The following SLC2A13 variants were observed in gnomAD, a reference collection of about 807,000 sequenced individuals.
The protein encoded by SLC2A13 is proton myo-inositol cotransporter.
In SLC2A13, 32 loss-of-function variants were observed where a neutral mutation model predicts 64.4. That is an observed-to-expected ratio of 0.50 (90% confidence interval 0.37 to 0.67). SLC2A13 has a LOEUF of 0.67. Among genes scored for constraint, SLC2A13 ranks in the 30% least tolerant of loss-of-function variants. SLC2A13 has a pLI of 0.00. For synonymous variants in SLC2A13, 338 were observed against 327.1 expected, an observed-to-expected ratio of 1.03 and a Z score of -0.36; for missense variants, 743 against 829.2, an observed-to-expected ratio of 0.90 and a Z score of 1.28.
In SLC2A13 at chr12:39,759,849, T is replaced by TG; in HGVS notation, c.*176dup. 1 of 565,610 alleles carries TG rather than the reference T, an allele frequency of 1.8e-6. No homozygotes were observed. The highest frequency in any genetic ancestry group is 3.3e-5 in the Admixed American group (1 of 29,890). 35.0% of individuals were successfully genotyped at this position (565,610 alleles called of 1,614,324 possible). ...ATATTTTTTAAAATATTGTTCCTTG[T>TG]GGAAAAAAAAAGTCATCATGGTTGT... On this transcript the variant is annotated 3_prime_UTR_variant, in exon 10 of 10. Coordinates refer to ENST00000280871, the MANE Select transcript of SLC2A13 (RefSeq NM_052885.4).
intron 3 of SLC2A13, among the ~76,000 whole-genome samples, chr12:39,984,914 A>G (rs1947000739): frequency 6.6e-6 from 1 of 152,138 alleles, no homozygotes; most frequent in African/African-American, 2.4e-5. Flanking sequence ...GAAGCAATCT[A>G]TGGGAGGCCA....
At chr12:40,103,491 A>G (rs1302123917) in intron 1 of SLC2A13, among the ~76,000 whole-genome samples, 1 of 152,168 alleles carries the variant, frequency 6.6e-6, no homozygotes, top group African/African-American at 2.4e-5. Flanking sequence ...CTCACTATTC[A>G]GCTCACAACA....
At chr12:39,766,535 G>A (rs1045948079) in intron 7 of SLC2A13, among the ~76,000 whole-genome samples, 9 of 151,994 alleles carry the variant, frequency 5.9e-5, no homozygotes, top group Non-Finnish European at 2.9e-5. Flanking sequence ...GGTGGCTGTG[G>A]CAATTTCTCA....
Position 40,105,262 on chromosome 12 carries a change from G to A in SLC2A13, c.547C>T (p.Leu183Phe). Reference protein sequence around the residue: ...TLLAGRLVVGLGIGIASMTVP... With the variant: ...TLLAGRLVVGFGIGIASMTVP... ...CGGAGCCCGAACTCACCGATGCCGAGTCCCACGACCAGGCGGCCGGCGAGC... is the reference window on the plus strand; with the variant it reads ...CGGAGCCCGAACTCACCGATGCCGAATCCCACGACCAGGCGGCCGGCGAGC... Residue 183 changes from leucine to phenylalanine, a missense_variant, in exon 1 of 10, where the codon CTC (leucine) becomes TTC (phenylalanine). Coordinates refer to ENST00000280871, the MANE Select transcript of SLC2A13 (RefSeq NM_052885.4). This position sits in a 1 kb window ranked among gnomAD's most constrained non-coding sequence, Gnocchi z 4.2. 1 of 1,593,672 alleles carries A rather than the reference G, an allele frequency of 6.3e-7. No individual in the cohort carries two copies. Among genetic ancestry groups the A allele is most frequent in the South Asian group, 1.1e-5 (1 of 88,822 alleles).
chr12:40,057,004 CAAAA>C (rs1948343020), intron 1 of SLC2A13, among the ~76,000 whole-genome samples: 2 of 150,860 alleles, frequency 1.3e-5, no homozygotes, highest in Admixed American at 1.3e-4. Flanking sequence ...AACAAACAAA[CAAAA>C]AAAGCAGAAA....
chr12:39,785,749 G>A (rs942373738), intron 7 of SLC2A13, among the ~76,000 whole-genome samples: 1 of 152,154 alleles, frequency 6.6e-6, no homozygotes, highest in African/African-American at 2.4e-5. Flanking sequence ...AAGACCATGG[G>A]AACCCACCTC....
At chr12:39,869,606 T>C (rs978366115) in intron 5 of SLC2A13, among the ~76,000 whole-genome samples, 1 of 152,138 alleles carries the variant, frequency 6.6e-6, no homozygotes, top group African/African-American at 2.4e-5. Flanking sequence ...TGCCTATAGG[T>C]TGCTCATGAG....
intron 3 of SLC2A13, among the ~76,000 whole-genome samples, chr12:39,963,026 C>A (rs575160954): frequency 1.3e-5 from 2 of 152,326 alleles, no homozygotes; most frequent in South Asian, 4.1e-4. Flanking sequence ...ATAGCTCACG[C>A]CTGTAATCCC....
In SLC2A13 at chr12:40,105,310, C is replaced by A. The variant is rs747898136; in HGVS notation, c.499G>T (p.Ala167Ser). Reference sequence around the variant, plus strand: ...AGCAGTGTCTCCTTGTTGTTGGCCGCAGCCAGCACCGCGGAGCCGGCGGTG... The same window carrying A: ...AGCAGTGTCTCCTTGTTGTTGGCCGAAGCCAGCACCGCGGAGCCGGCGGTG... ...LFTAGSAVLA[A>S]ANNKETLLAG... is the part of the protein sequence containing the mutation. The change falls in exon 1 of 10, where the codon GCG becomes TCG. Residue 167 changes from alanine (A) to serine (S), a missense_variant. Coordinates refer to ENST00000280871, the MANE Select transcript of SLC2A13 (RefSeq NM_052885.4). The surrounding 1 kb of genome is among the most constrained non-coding windows in gnomAD (Gnocchi z 4.2). The A allele has an allele frequency of 5.0e-6, 8 of 1,601,624 alleles. No homozygotes were observed. In the African/African-American group the frequency reaches 1.1e-4, roughly 22 times the overall value.
chr12:39,841,797 C>T (rs1158009569), intron 6 of SLC2A13, among the ~76,000 whole-genome samples: 1 of 151,778 alleles, frequency 6.6e-6, no homozygotes, highest in African/African-American at 2.4e-5. Context: ...ATTGAAGAGA[C>T]AGAATAGAAA....
At chr12:39,985,295 T>G (rs1398028105) in intron 3 of SLC2A13, among the ~76,000 whole-genome samples, 2 of 152,188 alleles carry the variant, frequency 1.3e-5, no homozygotes, top group East Asian at 3.8e-4. Flanking sequence ...TTTACTGTTA[T>G]GCCTATATCT....
At chr12:40,091,020 G>A (rs1195874168) in intron 1 of SLC2A13, among the ~76,000 whole-genome samples, 2 of 152,092 alleles carry the variant, frequency 1.3e-5, no homozygotes, top group African/African-American at 4.8e-5. Context: ...AAATGGTACG[G>A]CCCACTACAT....
chr12:40,082,024 C>A (rs1938421785), intron 1 of SLC2A13, among the ~76,000 whole-genome samples: 1 of 152,170 alleles, frequency 6.6e-6, no homozygotes, highest in Admixed American at 6.5e-5. Flanking sequence ...CCTTTTTTCT[C>A]TGGCCCCTTG....
intron 7 of SLC2A13, among the ~76,000 whole-genome samples, chr12:39,768,560 TA>T (rs1940445854): frequency 6.6e-6 from 1 of 152,054 alleles, no homozygotes; most frequent in South Asian, 2.1e-4. Flanking sequence ...GTAGAGTTAT[TA>T]ACTGTAGTGT....
intron 7 of SLC2A13, among the ~76,000 whole-genome samples, chr12:39,789,163 C>G (rs1450511444): frequency 6.6e-6 from 1 of 152,012 alleles, no homozygotes; most frequent in Non-Finnish European, 1.5e-5. Flanking sequence ...GATAGGATCC[C>G]TCCCTTGGCC....
At chr12:39,773,144 A>G (rs1038188476) in intron 7 of SLC2A13, among the ~76,000 whole-genome samples, 12 of 152,174 alleles carry the variant, frequency 7.9e-5, no homozygotes, top group African/African-American at 2.9e-4. Flanking sequence ...GTGGGCTGGG[A>G]TTAGAAAAAG....
At chr12:39,868,222 A>T (rs558744223) in intron 5 of SLC2A13, among the ~76,000 whole-genome samples, 35 of 152,324 alleles carry the variant, frequency 2.3e-4, no homozygotes, top group African/African-American at 8.4e-4. Context: ...TTATGTTTCA[A>T]GAGAAGAGTC....
chr12:39,857,393 GC>G (rs1943634988), intron 6 of SLC2A13, among the ~76,000 whole-genome samples: 1 of 152,068 alleles, frequency 6.6e-6, no homozygotes, highest in Non-Finnish European at 1.5e-5. Flanking sequence ...TATTCCTCTT[GC>G]CCTAAGTATT....
At chr12:40,009,612 T>C (rs1947489319) in intron 3 of SLC2A13, among the ~76,000 whole-genome samples, 1 of 152,108 alleles carries the variant, frequency 6.6e-6, no homozygotes, top group Non-Finnish European at 1.5e-5. Context: ...TAAAAAACTT[T>C]TACAGAGACA....
Sources: gnomAD v4.1 joint callset for allele counts (sites outside exome capture counted in the v4.1 genomes callset) on GRCh38, gnomAD v4.1.1 for gene constraint, Gnocchi (gnomAD v3.1) non-coding constraint, MANE v1.5 for transcripts, NCBI Gene and HGNC (gene_info 2026-07-23, HGNC 2026-07-21) for gene names.